The following LINGO2 variants were observed in gnomAD, a reference collection of about 807,000 sequenced individuals.
LINGO2 encodes the protein leucine-rich repeat and immunoglobulin-like domain-containing nogo receptor-interacting protein 2.
A neutral mutation model predicts 30.6 loss-of-function variants in LINGO2; 14 were observed. That is an observed-to-expected ratio of 0.46 (90% CI 0.30 to 0.72). LINGO2 has a LOEUF of 0.72. Ranked by LOEUF, LINGO2 falls within the 30% of genes least tolerant of loss-of-function variation. The probability of loss-of-function intolerance (pLI) is 0.07; values close to 1 mark genes in which losing one functional copy is unlikely to be tolerated. For missense variants in LINGO2, 729 were observed against 751.7 expected (o/e 0.97, Z 0.35); for synonymous variants, 317 against 288.5 (o/e 1.10, Z -1.00).
chr9:28,357,998 T>C (rs1260564586), intron 3 of LINGO2, among the ~76,000 whole-genome samples: 1 of 152,142 alleles, frequency 6.6e-6, no homozygotes, highest in African/African-American at 2.4e-5. Context: ...GTTACAGGTA[T>C]TTTATTGCTT....
intron 3 of LINGO2, among the ~76,000 whole-genome samples, chr9:28,310,699 T>G (rs2134252466): frequency 6.6e-6 from 1 of 152,272 alleles, no homozygotes; most frequent in Middle Eastern, 3.4e-3. Flanking sequence ...AAGTGTACAC[T>G]TTAAGTATAT....
chr9:29,040,370 GCTAA>G, the LINGO2 span, among the ~76,000 whole-genome samples: 87 of 152,040 alleles, frequency 5.7e-4, no homozygotes, highest in Non-Finnish European at 8.2e-4. Context: ...AATACCAACA[GCTAA>G]CTGAGAGAAT....
At chr9:29,183,020 C>CA in the LINGO2 span, among the ~76,000 whole-genome samples, 1 of 151,792 alleles carries the variant, frequency 6.6e-6, no homozygotes, top group Admixed American at 6.6e-5. Flanking sequence ...TGCATGTGGG[C>CA]AAAAAACAAT....
intron 5 of LINGO2, among the ~76,000 whole-genome samples, chr9:28,001,046 ACAT>A (rs1415666466): frequency 6.6e-6 from 1 of 152,206 alleles, no homozygotes; most frequent in Non-Finnish European, 1.5e-5. Context: ...TTATTTCTAG[ACAT>A]CATCTGTTTG....
chr9:29,119,790 G>T, the LINGO2 span, among the ~76,000 whole-genome samples: 8 of 151,792 alleles, frequency 5.3e-5, no homozygotes, highest in Non-Finnish European at 8.8e-5. Context: ...TAGAGATGGG[G>T]TTTCACCATG....
At chr9:28,196,148 G>T (rs1338619929) in intron 4 of LINGO2, among the ~76,000 whole-genome samples, 1 of 151,466 alleles carries the variant, frequency 6.6e-6, no homozygotes, top group South Asian at 2.1e-4. Context: ...TACTTCTCAA[G>T]ATACTGAAAT....
chr9:28,729,771 G>A, the LINGO2 span, among the ~76,000 whole-genome samples: 1 of 151,688 alleles, frequency 6.6e-6, no homozygotes, highest in Non-Finnish European at 1.5e-5. Flanking sequence ...CAAAAAGAAA[G>A]AATAAATAGA....
At chr9:28,411,021 G>T (rs182476754) in intron 2 of LINGO2, among the ~76,000 whole-genome samples, 1 of 152,196 alleles carries the variant, frequency 6.6e-6, no homozygotes, top group Admixed American at 6.6e-5. Context: ...ATTCACAGGT[G>T]CCTACCTCTG....
At chr9:28,857,028 T>G in the LINGO2 span, among the ~76,000 whole-genome samples, 1 of 152,014 alleles carries the variant, frequency 6.6e-6, no homozygotes, top group Non-Finnish European at 1.5e-5. Context: ...TTTCTGTTAT[T>G]TGGAAGGGTA....
intron 4 of LINGO2, among the ~76,000 whole-genome samples, chr9:28,137,467 A>G (rs1426201972): frequency 2.6e-5 from 4 of 152,186 alleles, no homozygotes; most frequent in Admixed American, 2.6e-4. Flanking sequence ...TAATCTGGCA[A>G]GCTAGTTTAT....
chr9:28,956,496 G>A, the LINGO2 span, among the ~76,000 whole-genome samples: 1 of 152,046 alleles, frequency 6.6e-6, no homozygotes, highest in African/African-American at 2.4e-5. Flanking sequence ...GTATTTCCCA[G>A]ACTATTCCGT....
At chr9:27,952,820 AGAGTT>A (rs1819383058) in intron 5 of LINGO2, among the ~76,000 whole-genome samples, 1 of 152,102 alleles carries the variant, frequency 6.6e-6, no homozygotes, top group South Asian at 2.1e-4. Flanking sequence ...TTATAATATT[AGAGTT>A]AAGTAGCATT....
the LINGO2 span, among the ~76,000 whole-genome samples, chr9:28,783,012 T>C: frequency 2.6e-5 from 4 of 152,232 alleles, no homozygotes; most frequent in African/African-American, 7.2e-5. Flanking sequence ...TATGTATCTA[T>C]ACATATCTAA....
the LINGO2 span, among the ~76,000 whole-genome samples, chr9:29,031,551 G>C: frequency 6.6e-6 from 1 of 152,008 alleles, no homozygotes; most frequent in South Asian, 2.1e-4. Flanking sequence ...CCAAAATGCT[G>C]AGATTACAGG....
At chr9:28,365,035 A>T (rs1052947713) in intron 3 of LINGO2, among the ~76,000 whole-genome samples, 3 of 152,212 alleles carry the variant, frequency 2.0e-5, no homozygotes, top group Non-Finnish European at 2.9e-5. Flanking sequence ...ATTAAAATAC[A>T]TCATGTTAAG....
intron 1 of LINGO2, among the ~76,000 whole-genome samples, chr9:28,664,931 A>C (rs2136022616): frequency 6.8e-6 from 1 of 148,070 alleles, no homozygotes; most frequent in African/African-American, 2.5e-5. Context: ...CACCAAAACT[A>C]CCCATCTAGA....
At chr9:28,950,863 C>G in the LINGO2 span, among the ~76,000 whole-genome samples, 1 of 151,986 alleles carries the variant, frequency 6.6e-6, no homozygotes, top group Non-Finnish European at 1.5e-5. Flanking sequence ...CATCAAGCTA[C>G]GACTGACTTT....
At chr9:29,013,955 C>T in the LINGO2 span, among the ~76,000 whole-genome samples, 4 of 152,156 alleles carry the variant, frequency 2.6e-5, no homozygotes, top group South Asian at 8.3e-4. Flanking sequence ...ATTTTTATTG[C>T]TTACTTGCCT....
chr9:28,950,452 A>G, the LINGO2 span, among the ~76,000 whole-genome samples: 34 of 152,284 alleles, frequency 2.2e-4, 1 homozygote, highest in South Asian at 6.4e-3. Flanking sequence ...AGAAAGTCAA[A>G]TTGTCTCTGC....
Sources: allele counts gnomAD v4.1 joint callset (sites outside exome capture counted in the v4.1 genomes callset), GRCh38; gene constraint gnomAD v4.1.1; transcripts MANE v1.5; gene names NCBI Gene and HGNC (gene_info 2026-07-23, HGNC 2026-07-21).